Variants in AUH observed in about 807,000 individuals in gnomAD.
The protein encoded by AUH is AU RNA binding methylglutaconyl-CoA hydratase.
Under a neutral mutation model 42.3 loss-of-function variants are expected in AUH, and 29 were observed. The observed-to-expected ratio is 0.69, with a 90% CI of 0.51 to 0.93. The LOEUF (loss-of-function observed/expected upper bound fraction) is 0.93. Ranked by LOEUF, AUH falls within the 40% of genes least tolerant of loss-of-function variation. The pLI is 0.00. For synonymous variants in AUH, 174 were observed against 166.4 expected (o/e 1.05, Z -0.35); for missense variants, 452 against 438.1 (o/e 1.03, Z -0.28).
intron 4 of AUH, among the ~76,000 whole-genome samples, chr9:91,315,022 CA>C (rs1391118394): frequency 6.6e-6 from 1 of 152,252 alleles, no homozygotes; most frequent in African/African-American, 2.4e-5. Context: ...CTCCCAGGTT[CA>C]AACGATTCTC....
chr9:91,345,832 CA>C (rs57372374), intron 3 of AUH, among the ~76,000 whole-genome samples: 1,969 of 94,020 alleles, frequency 0.021, 41 homozygotes, highest in African/African-American at 0.09. Flanking sequence ...GACTCCATCG[CA>C]AAAAAAAAAA....
intron 3 of AUH, among the ~76,000 whole-genome samples, chr9:91,342,413 T>C (rs1831176644): frequency 6.6e-6 from 1 of 152,170 alleles, no homozygotes; most frequent in Non-Finnish European, 1.5e-5. Context: ...CCTGTTTCCA[T>C]GTAAGGTTCC....
At chr9:91,296,711 C>T (rs865815823) in intron 5 of AUH, among the ~76,000 whole-genome samples, 3 of 152,066 alleles carry the variant, frequency 2.0e-5, no homozygotes, top group African/African-American at 4.8e-5. Context: ...TTACATGTAC[C>T]TTAGCTTTTC....
rs7032008 is a variant in AUH at position 91,248,573 on chromosome 9, G to A, written c.656-27581C>T. Among the ~76,000 whole-genome samples, 646 of 152,274 alleles carry A rather than the reference G, an allele frequency of 4.2e-3. 6 individuals carry two copies. The highest frequency in any genetic ancestry group is 0.015 in the African/African-American group (611 of 41,552). ...AGATTACATATATGAGCTCTGGGGTGGGACACGGAAATTTAAATAACTAGT... is the reference window on the plus strand; with the variant it reads ...AGATTACATATATGAGCTCTGGGGTAGGACACGGAAATTTAAATAACTAGT... On this transcript the variant is annotated intron_variant, in intron 6 of 9. Coordinates refer to ENST00000375731, the MANE Select transcript of AUH (RefSeq NM_001698.3).
intron 6 of AUH, among the ~76,000 whole-genome samples, chr9:91,269,093 G>A (rs1161788863): frequency 6.6e-6 from 1 of 151,902 alleles, no homozygotes; most frequent in Non-Finnish European, 1.5e-5. Flanking sequence ...CGATTCTTCT[G>A]CCTCAGCCTC....
chr9:91,224,005 C>A (rs1409305259), intron 6 of AUH, among the ~76,000 whole-genome samples: 2 of 152,202 alleles, frequency 1.3e-5, no homozygotes, highest in East Asian at 3.9e-4. Context: ...TGTTACATTT[C>A]TTCCCTGCTA....
intron 3 of AUH, among the ~76,000 whole-genome samples, chr9:91,326,280 C>T (rs1345238395): frequency 6.6e-6 from 1 of 152,194 alleles, no homozygotes; most frequent in Non-Finnish European, 1.5e-5. Flanking sequence ...ATCTCACACA[C>T]TTCCAGGGGA....
At chr9:91,311,642 C>CCCCT (rs1397477815) in intron 4 of AUH, among the ~76,000 whole-genome samples, 1 of 152,160 alleles carries the variant, frequency 6.6e-6, no homozygotes, top group Non-Finnish European at 1.5e-5. Context: ...TTAAATGTTA[C>CCCCT]TAAGGGCAAG....
At chr9:91,262,227 C>T (rs548550178) in intron 6 of AUH, among the ~76,000 whole-genome samples, 23 of 152,288 alleles carry the variant, frequency 1.5e-4, no homozygotes, top group African/African-American at 3.9e-4. Flanking sequence ...ATCCATTACT[C>T]GCCAACCTTA....
intron 6 of AUH, among the ~76,000 whole-genome samples, chr9:91,229,831 A>G (rs1165682087): frequency 6.7e-6 from 1 of 149,794 alleles, no homozygotes; most frequent in African/African-American, 2.4e-5. Context: ...GTTTGGCTGG[A>G]TATGAAATTC....
Position 91,269,906 on chromosome 9 carries a change from T to C in AUH, c.655+26115A>G, listed in dbSNP as rs1046692316. Among the ~76,000 whole-genome samples the C allele has an allele frequency of 3.3e-5, 5 of 152,180 alleles. No homozygotes were observed. In the East Asian group the frequency reaches 7.7e-4, roughly 23 times the overall value. On this transcript the variant is annotated intron_variant, in intron 6 of 9. Transcript: ENST00000375731. ...GATACCCAGATCTGTACAAACCTTA[T>C]CTTCAAAACCTAACTACAAAGAGAA...
chr9:91,217,574 G>A (rs986010367), intron 7 of AUH, among the ~76,000 whole-genome samples: 20 of 152,164 alleles, frequency 1.3e-4, no homozygotes, highest in African/African-American at 4.6e-4. Context: ...CCTTAAAGGT[G>A]AGCAGGTAGT....
intron 6 of AUH, among the ~76,000 whole-genome samples, chr9:91,221,804 T>C (rs138298518): frequency 3.4e-4 from 52 of 152,372 alleles, no homozygotes; most frequent in African/African-American, 1.2e-3. Flanking sequence ...TTGTTGAAGA[T>C]AGCCTAACTC....
intron 4 of AUH, 22 bp downstream of exon 4, chr9:91,325,296 A>T: frequency 6.2e-7 from 1 of 1,600,950 alleles, no homozygotes; most frequent in Non-Finnish European, 8.6e-7. Flanking sequence ...GCATGCTGAA[A>T]GAAGAACTTA....
intron 4 of AUH, among the ~76,000 whole-genome samples, chr9:91,312,367 ATT>A (rs1350238958): frequency 2.0e-5 from 3 of 152,240 alleles, no homozygotes; most frequent in Non-Finnish European, 2.9e-5. Context: ...GTGAACCCTG[ATT>A]TGTATCAGTA....
chr9:91,361,846 A>T lies in AUH; in HGVS notation c.44T>A (p.Leu15Gln), dbSNP rs757419657. ...CACCAGGCGGGCGCCGCCAGCATGC[A>T]GGGATCCCAAGGCCCCAGGTGCCGC... ...VAAAPGALGS[L>Q]HAGGARLVAA... is the part of the protein sequence containing the mutation. Residue 15 changes from leucine to glutamine, a missense_variant, in exon 1 of 10, where the codon CTG (leucine) becomes CAG (glutamine). Physicochemically the swap from Leu to Gln is moderately radical, Grantham distance 113. Coordinates refer to ENST00000375731, the MANE Select transcript of AUH (RefSeq NM_001698.3). The T allele has an allele frequency of 4.0e-6, 6 of 1,491,724 alleles. No individual in the cohort carries two copies. The highest frequency in any genetic ancestry group is 5.3e-6 in the Non-Finnish European group (6 of 1,126,994). 92.4% of individuals were successfully genotyped at this position (1,491,724 alleles called of 1,614,324 possible). A position where few individuals can be genotyped will look rare whatever the true frequency, so the allele number is the denominator to read the frequency against.
At chr9:91,325,260 A>G in intron 4 of AUH, 58 bp downstream of exon 4, 1 of 1,397,550 alleles carries the variant, frequency 7.2e-7, no homozygotes, top group Non-Finnish European at 1.0e-6. Context: ...GTAACTTTTT[A>G]AATGTGACAT....
intron 6 of AUH, among the ~76,000 whole-genome samples, chr9:91,247,492 G>A (rs1417891055): frequency 6.6e-6 from 1 of 151,902 alleles, no homozygotes; most frequent in African/African-American, 2.4e-5. Context: ...ATCTTGTCCT[G>A]CCCCCTCCCT....
chr9:91,277,492 A>G (rs1379127156), intron 6 of AUH, among the ~76,000 whole-genome samples: 1 of 152,220 alleles, frequency 6.6e-6, no homozygotes, highest in African/African-American at 2.4e-5. Flanking sequence ...TAAGAGTTGT[A>G]AGTGAAAAGG....
Sources: allele counts gnomAD v4.1 joint callset (sites outside exome capture counted in the v4.1 genomes callset), GRCh38; gene constraint gnomAD v4.1.1; transcripts MANE v1.5; gene names NCBI Gene and HGNC (gene_info 2026-07-23, HGNC 2026-07-21).